FAT3: variants seen among roughly 807,000 people sequenced by gnomAD.
The protein encoded by FAT3 is FAT atypical cadherin 3.
In FAT3, 95 loss-of-function variants were observed where a neutral mutation model predicts 310.2. The ratio of observed to expected loss-of-function variants is 0.31; its 90% CI spans 0.26 to 0.36. The LOEUF is 0.36. FAT3 is among the 10% of genes least tolerant of loss of function. The pLI, the probability that FAT3 is intolerant of heterozygous loss-of-function variation, is 1.00. For synonymous variants in FAT3, 2,314 were observed against 2,192.9 expected, an observed-to-expected ratio of 1.06 and a Z score of -1.54; for missense variants, 5,408 against 5,715.6, an observed-to-expected ratio of 0.95 and a Z score of 1.74.
Position 92,764,892 on chromosome 11 carries a change from A to G in FAT3, c.3998A>G (p.Asp1333Gly). The change falls in exon 6 of 28, where the codon GAC (aspartate) becomes GGC (glycine). Residue 1333 changes from aspartate (D) to glycine (G), a missense_variant. This residue lies in a region of FAT3 where 4,588 missense variants were observed against 4,809.8 expected (regional missense o/e 0.95). Coordinates refer to ENST00000525166, the MANE Select transcript of FAT3 (RefSeq NM_001367949.2). ...CTGTGTGAGTAGATAAAGGCAGTGGACAATGGGCGCCCACAGAAATCCTCC... is the reference window on the plus strand; with the variant it reads ...CTGTGTGAGTAGATAAAGGCAGTGGGCAATGGGCGCCCACAGAAATCCTCC... ...SYDILTIKAV[D>G]NGRPQKSSTA... The G allele has an allele frequency of 6.2e-7, 1 of 1,613,700 alleles. No individual in the cohort carries two copies. The highest frequency in any genetic ancestry group is 8.5e-7 in the Non-Finnish European group (1 of 1,179,702).
chr11:92,450,755 A>G (rs573715289), intron 2 of FAT3, among the ~76,000 whole-genome samples: 241 of 152,320 alleles, frequency 1.6e-3, no homozygotes, highest in African/African-American at 5.5e-3. Flanking sequence ...CTTTGTGGCT[A>G]TGCTAAACTG....
intron 4 of FAT3, among the ~76,000 whole-genome samples, chr11:92,722,495 G>A (rs955640095): frequency 1.1e-4 from 16 of 152,170 alleles, no homozygotes; most frequent in African/African-American, 3.6e-4. Flanking sequence ...GACACACAGT[G>A]CAAGCTGTCA....
chr11:92,568,137 TACCAAGGA>T (rs1203600193), intron 3 of FAT3, among the ~76,000 whole-genome samples: 1 of 152,158 alleles, frequency 6.6e-6, no homozygotes, highest in African/African-American at 2.4e-5. Flanking sequence ...ACTGAGAATA[TACCAAGGA>T]ACAAATCAAT....
chr11:92,306,966 T>TA lies in FAT3; in HGVS notation c.-17-45128dup, dbSNP rs1315156611. Among the ~76,000 whole-genome samples, 3 of 148,796 alleles carry TA rather than the reference T, an allele frequency of 2.0e-5. No homozygotes were observed. In the Admixed American group the frequency reaches 2.1e-4, roughly 10 times the overall value. On this transcript the variant is annotated intron_variant, in intron 1 of 27. Coordinates refer to ENST00000525166, the MANE Select transcript of FAT3 (RefSeq NM_001367949.2). ...CCACCATGTCCGGCTATTTTTTTTT[T>TA]AATTTTATTTGTAGTAGAGACAGTT...
chr11:92,340,498 C>A (rs1190635307), intron 1 of FAT3, among the ~76,000 whole-genome samples: 1 of 152,160 alleles, frequency 6.6e-6, no homozygotes, highest in East Asian at 1.9e-4. Context: ...TCTGTTTGAA[C>A]CGTCTGCATT....
intron 2 of FAT3, among the ~76,000 whole-genome samples, chr11:92,483,697 G>A (rs910432697): frequency 6.8e-6 from 1 of 147,154 alleles, no homozygotes; most frequent in Non-Finnish European, 1.5e-5. Flanking sequence ...TATCCCTGGA[G>A]GTACAATGAT....
intron 3 of FAT3, among the ~76,000 whole-genome samples, chr11:92,573,844 A>G (rs1203713520): frequency 6.6e-6 from 1 of 152,132 alleles, no homozygotes; most frequent in East Asian, 1.9e-4. Context: ...CTGTGAGAAA[A>G]AAAATGTATG....
Position 92,866,930 on chromosome 11 carries a change from C to G in FAT3, c.11848C>G (p.Leu3950Val), listed in dbSNP as rs2136349278. The stretch of plus-strand genomic sequence containing the variant: ...CCGGGCGCCCCTCTACTTCCAGACG[C>G]TGAGCACTGAGAGTAGCATCTACTT... ...RRRAPLYFQT[L>V]STESSIYFGA... The change falls in exon 22 of 28, where the codon CTG becomes GTG. Residue 3950 changes from leucine to valine, a missense_variant. Physicochemically the swap from Leu to Val is conservative, Grantham distance 32 (BLOSUM62 1). Coordinates refer to ENST00000525166, the MANE Select transcript of FAT3 (RefSeq NM_001367949.2). The G allele has an allele frequency of 1.2e-6, 2 of 1,613,894 alleles. No homozygotes were observed. The highest frequency in any genetic ancestry group is 1.7e-6 in the Non-Finnish European group (2 of 1,179,876).
At chr11:92,476,284 T>A (rs962237921) in intron 2 of FAT3, among the ~76,000 whole-genome samples, 1 of 152,196 alleles carries the variant, frequency 6.6e-6, no homozygotes, top group African/African-American at 2.4e-5. Context: ...CAGATGGAAA[T>A]GTCAGACTGA....
At chr11:92,636,610 C>A (rs1482170137) in intron 3 of FAT3, among the ~76,000 whole-genome samples, 2 of 152,142 alleles carry the variant, frequency 1.3e-5, no homozygotes, top group Non-Finnish European at 2.9e-5. Flanking sequence ...AGAAATCAAT[C>A]TGTGATAAAA....
intron 2 of FAT3, among the ~76,000 whole-genome samples, chr11:92,371,030 G>C (rs1356391402): frequency 1.3e-5 from 2 of 152,152 alleles, no homozygotes; most frequent in Non-Finnish European, 1.5e-5. Flanking sequence ...ATTCTAATAA[G>C]ATGGATTTCC....
At chr11:92,825,918 C>T (rs1444713583) in intron 13 of FAT3, among the ~76,000 whole-genome samples, 1 of 152,080 alleles carries the variant, frequency 6.6e-6, no homozygotes, top group East Asian at 1.9e-4. Context: ...CAAAACAACC[C>T]AGCATTCCAA....
chr11:92,470,863 A>G (rs924150611), intron 2 of FAT3, among the ~76,000 whole-genome samples: 10 of 152,236 alleles, frequency 6.6e-5, no homozygotes, highest in African/African-American at 2.2e-4. Flanking sequence ...GACTTTAAAA[A>G]AATTATTTCA....
intron 10 of FAT3, among the ~76,000 whole-genome samples, chr11:92,802,449 A>C (rs2136192304): frequency 6.6e-6 from 1 of 152,258 alleles, no homozygotes; most frequent in East Asian, 1.9e-4. Context: ...CTGACAACCA[A>C]AATTTTTTGG....
chr11:92,460,011 C>T (rs1231404893), intron 2 of FAT3, among the ~76,000 whole-genome samples: 1 of 151,744 alleles, frequency 6.6e-6, no homozygotes, highest in African/African-American at 2.4e-5. Flanking sequence ...TGTCTTTGGC[C>T]CAGGGTTTAT....
intron 3 of FAT3, among the ~76,000 whole-genome samples, chr11:92,598,232 T>TATATATA (rs1167646257): frequency 6.7e-5 from 4 of 60,074 alleles, no homozygotes; most frequent in Admixed American, 1.4e-4. Context: ...ATATATATAT[T>TATATATA]TTTTTTTTTT....
chr11:92,882,688 C>A (rs768492395), intron 23 of FAT3, 50 bp from the exon 24 acceptor site: 2 of 1,471,326 alleles, frequency 1.4e-6, no homozygotes, highest in South Asian at 1.3e-5. Flanking sequence ...CGTATACCAA[C>A]GTGTGTGCAC....
Position 92,620,058 on chromosome 11 carries a change from T to C in FAT3, c.3608-77326T>C, listed in dbSNP as rs114025094. The stretch of plus-strand genomic sequence containing the variant: ...CATCTATGTTATGCTTTTATTTTCA[T>C]TTATTTCAAAGTATTTCTAATTTCT... On this transcript the variant is annotated intron_variant, in intron 3 of 27. Coordinates refer to ENST00000525166, the MANE Select transcript of FAT3 (RefSeq NM_001367949.2). 8.3e-3 allele frequency among the ~76,000 whole-genome samples: 1,271 copies of C among 152,290 alleles called. 22 individuals are homozygous for C. Among genetic ancestry groups the C allele is most frequent in the African/African-American group, 0.029 (1,194 of 41,572 alleles).
At chr11:92,453,901 G>A (rs1951429379) in intron 2 of FAT3, among the ~76,000 whole-genome samples, 1 of 152,036 alleles carries the variant, frequency 6.6e-6, no homozygotes, top group African/African-American at 2.4e-5. Flanking sequence ...ACATATGTAA[G>A]TTTTTTCAAG....
Sources: allele counts gnomAD v4.1 joint callset (sites outside exome capture counted in the v4.1 genomes callset), GRCh38; gene constraint gnomAD v4.1.1; regional missense constraint gnomAD v4.1.1; transcripts MANE v1.5; gene names NCBI Gene and HGNC (gene_info 2026-07-23, HGNC 2026-07-21).